Variants in YIPF6 observed in about 807,000 individuals in gnomAD.
YIPF6 encodes protein YIPF6.
YIPF6 carries 3 observed loss-of-function variants against 16.8 expected under a neutral mutation model. That is an observed-to-expected ratio of 0.18 (90% CI 0.08 to 0.46). The LOEUF is 0.46. YIPF6 is among the 20% of genes least tolerant of loss of function. YIPF6 has a pLI of 0.98. For missense variants in YIPF6, 145 were observed against 184.9 expected, an observed-to-expected ratio of 0.78 and a Z score of 1.25; for synonymous variants, 67 against 61.9, an observed-to-expected ratio of 1.08 and a Z score of -0.38.
chrX:68,524,521 G>A (rs955834430), intron 6 of YIPF6, among the ~76,000 whole-genome samples: 1 of 107,781 alleles, frequency 9.3e-6, no homozygotes, highest in African/African-American at 3.4e-5. Context: ...ATATATATAT[G>A]TTTTTATATT....
Position 68,535,756 on chromosome X carries a change from G to A in YIPF6, c.*3757G>A, listed in dbSNP as rs2079188956. On this transcript the variant is annotated 3_prime_UTR_variant, in exon 7 of 7. Transcript: ENST00000462683. ...TTTTTTAAGAATTTTTAAAATAACA[G>A]CTTTATTGAAATACACTTTACCATA... 9.0e-6 allele frequency: 1 copy of A among 110,902 alleles called. No homozygotes were observed. The highest frequency in any genetic ancestry group is 9.7e-5 in the Admixed American group (1 of 10,356). The allele number at this position is 110,902 out of a possible 1,213,427, so 9.1% of individuals were successfully genotyped here.
rs746064083 is a variant in YIPF6, at chrX:68,513,414, A to G, written c.265+9A>G. The G allele has an allele frequency of 1.7e-6, 2 of 1,173,874 alleles. No homozygotes were observed. The highest frequency in any genetic ancestry group is 3.0e-5 in the East Asian group (1 of 33,017). On this transcript the variant is annotated intron_variant, in intron 3 of 6. Transcript: ENST00000462683. ...TACTCTTTTGAGAGATTGTAAGTAT[A>G]TGAGGTTTTTAAGGGTTTGCTTAAT...
chrX:68,519,977 T>A (rs909548106), intron 4 of YIPF6, among the ~76,000 whole-genome samples: 2 of 111,399 alleles, frequency 1.8e-5, no homozygotes, highest in Non-Finnish European at 3.8e-5. Flanking sequence ...AAAACTGGAG[T>A]CCCAGGACAT....
At chrX:68,527,265 G>A (rs1484055059) in intron 6 of YIPF6, among the ~76,000 whole-genome samples, 4 of 111,843 alleles carry the variant, frequency 3.6e-5, no homozygotes, top group African/African-American at 6.5e-5. Context: ...TTGCATAGAG[G>A]TATTTATAGT....
intron 3 of YIPF6, among the ~76,000 whole-genome samples, 179 bp from the exon 4 acceptor site, chrX:68,518,591 A>G (rs1477998379): frequency 9.0e-6 from 1 of 111,390 alleles, no homozygotes; most frequent in Admixed American, 9.6e-5. Flanking sequence ...CTGGAAGTCT[A>G]TGTAAAGAAG....
chrX:68,519,171 A>G (rs1050644938), intron 4 of YIPF6, among the ~76,000 whole-genome samples: 1 of 112,330 alleles, frequency 8.9e-6, no homozygotes, highest in Non-Finnish European at 1.9e-5. Context: ...TACTAAAAAT[A>G]TGAATGAGAA....
intron 1 of YIPF6, among the ~76,000 whole-genome samples, chrX:68,511,643 T>C (rs984606034): frequency 1.8e-5 from 2 of 112,533 alleles, no homozygotes; most frequent in East Asian, 5.6e-4. Context: ...ACATTTACTT[T>C]AGTTTTTTCA....
intron 1 of YIPF6, among the ~76,000 whole-genome samples, chrX:68,503,887 T>C (rs2079050219): frequency 8.9e-6 from 1 of 112,267 alleles, no homozygotes; most frequent in Admixed American, 9.5e-5. Context: ...CCCGGCTAAC[T>C]TTTGTATTTT....
At chrX:68,516,038 G>A (rs1255663488) in intron 3 of YIPF6, among the ~76,000 whole-genome samples, 2 of 111,148 alleles carry the variant, frequency 1.8e-5, no homozygotes, top group Non-Finnish European at 3.8e-5. Flanking sequence ...CGGAAGAATC[G>A]CTTGAACCCG....
intron 3 of YIPF6, chrX:68,514,582 G>A (rs1720934787): frequency 9.0e-6 from 1 of 111,724 alleles, no homozygotes; most frequent in Non-Finnish European, 1.9e-5. Flanking sequence ...GCTAATTTTT[G>A]TGTTGTTAGT....
At chrX:68,523,864 G>A (rs1057271464) in intron 6 of YIPF6, among the ~76,000 whole-genome samples, 2 of 111,887 alleles carry the variant, frequency 1.8e-5, no homozygotes, top group African/African-American at 3.2e-5. Flanking sequence ...TTCTCTCACT[G>A]AGAATCTCAT....
At chrX:68,503,804 G>A (rs948925905) in intron 1 of YIPF6, among the ~76,000 whole-genome samples, 4 of 111,959 alleles carry the variant, frequency 3.6e-5, no homozygotes, top group Non-Finnish European at 5.6e-5. Flanking sequence ...TTCTTTTTTG[G>A]CACAATCTCA....
Position 68,521,420 on chromosome X carries a change from A to G in YIPF6, c.357A>G (p.Gln119=), listed in dbSNP as rs149816757. ...SADSEKDGGP[Q]FAEVFVIVWF... ...ATAGTGAAAAAGATGGAGGGCCCCA[A>G]TTTGCAGAGGTGTTTGTCATTGTCT... The change falls in exon 5 of 7, where the codon CAA becomes CAG. Residue 119 remains glutamine, a synonymous_variant. Coordinates refer to ENST00000462683, the MANE Select transcript of YIPF6 (RefSeq NM_173834.4). The G allele has an allele frequency of 4.1e-6, 5 of 1,210,850 alleles. No individual in the cohort carries two copies. The East Asian group carries it at 8.9e-5, about 21-fold the overall frequency.
At position 68,532,015 on chromosome X, in the gene YIPF6, T is replaced by C; in HGVS notation, c.*16T>C. On this transcript the variant is annotated 3_prime_UTR_variant, in exon 7 of 7. Coordinates refer to ENST00000462683, the MANE Select transcript of YIPF6 (RefSeq NM_173834.4). ...TCCTCAGTAAATCAGGAATGGGAAA[T>C]TAAAAACCAGTGAATTGAAAGCACA... 2.7e-6 allele frequency: 3 copies of C among 1,123,439 alleles called. No homozygotes were observed. Among genetic ancestry groups the C allele is most frequent in the Non-Finnish European group, 3.7e-6 (3 of 819,405 alleles). 92.6% of individuals were successfully genotyped at this position (1,123,439 alleles called of 1,213,427 possible).
intron 6 of YIPF6, among the ~76,000 whole-genome samples, chrX:68,528,137 A>G (rs979709656): frequency 9.0e-6 from 1 of 111,411 alleles, no homozygotes; most frequent in African/African-American, 3.3e-5. Flanking sequence ...GTAGGTCTTT[A>G]AGAATTTGTT....
chrX:68,503,918 C>T (rs986446253), intron 1 of YIPF6, among the ~76,000 whole-genome samples: 1 of 111,922 alleles, frequency 8.9e-6, no homozygotes, highest in Admixed American at 9.5e-5. Flanking sequence ...GGGGTTTCAC[C>T]CTGTTGGCCA....
chrX:68,530,735 T>C (rs5965608), intron 6 of YIPF6, among the ~76,000 whole-genome samples: 4,880 of 110,654 alleles, frequency 0.044, 122 homozygotes, highest in Non-Finnish European at 0.074. Flanking sequence ...CCCCGACCCC[T>C]TGTGCTTCCT....
chrX:68,517,978 AAAAG>A (rs1260286745), intron 3 of YIPF6, among the ~76,000 whole-genome samples: 17 of 107,873 alleles, frequency 1.6e-4, no homozygotes, highest in African/African-American at 5.4e-4. Flanking sequence ...AAAAAAAAAA[AAAAG>A]AAAAGAATCA....
chrX:68,519,783 C>T (rs773847771), intron 4 of YIPF6, among the ~76,000 whole-genome samples: 25 of 111,638 alleles, frequency 2.2e-4, no homozygotes, highest in Non-Finnish European at 4.3e-4. Flanking sequence ...TTAAATTGAG[C>T]ATATATTAAT....
Sources: allele counts gnomAD v4.1 joint callset (sites outside exome capture counted in the v4.1 genomes callset), GRCh38; gene constraint gnomAD v4.1.1; transcripts MANE v1.5; gene names NCBI Gene and HGNC (gene_info 2026-07-23, HGNC 2026-07-21).